Variants in THSD4 observed in about 807,000 individuals in gnomAD.
THSD4 encodes thrombospondin type 1 domain containing 4.
A neutral mutation model predicts 119.0 loss-of-function variants in THSD4; 69 were observed. That is an observed-to-expected ratio of 0.58 (90% CI 0.48 to 0.71). The LOEUF is 0.71. Ranked by LOEUF, THSD4 falls within the 30% of genes least tolerant of loss-of-function variation. THSD4 has a pLI of 0.00. For synonymous variants in THSD4, 524 were observed against 540.4 expected, an observed-to-expected ratio of 0.97 and a Z score of 0.42; for missense variants, 1,393 against 1,391.1, an observed-to-expected ratio of 1.00 and a Z score of -0.02.
intron 4 of THSD4, among the ~76,000 whole-genome samples, chr15:71,237,821 C>T (rs1339343546): frequency 6.6e-6 from 1 of 152,070 alleles, no homozygotes; most frequent in East Asian, 1.9e-4. Context: ...TTGCTTGAGT[C>T]ATGCTGACTG....
intron 13 of THSD4, among the ~76,000 whole-genome samples, chr15:71,747,884 G>A (rs1334351175): frequency 7.9e-5 from 12 of 152,210 alleles, no homozygotes. Flanking sequence ...TGAATCCTAA[G>A]ACCTTCTTCC....
intron 6 of THSD4, among the ~76,000 whole-genome samples, chr15:71,362,434 C>T (rs1057290973): frequency 6.6e-6 from 1 of 152,050 alleles, no homozygotes; most frequent in Admixed American, 6.6e-5. Flanking sequence ...AAATCATTAC[C>T]ACTACAAGCT....
intron 6 of THSD4, among the ~76,000 whole-genome samples, chr15:71,380,458 C>T (rs2046214191): frequency 6.6e-6 from 1 of 152,078 alleles, no homozygotes; most frequent in Non-Finnish European, 1.5e-5. Context: ...CAATGAATGG[C>T]TGCATACAAA....
Position 71,688,707 on chromosome 15 carries a change from C to CTGTGTGTG in THSD4, c.1357+28001_1357+28008dup, listed in dbSNP as rs55653630. ...TGAGGTTTTTTTTTGTTTTGTATCT[C>CTGTGTGTG]TGTGTGTGTGTGTGTGTGTGTGTGT... On this transcript the variant is annotated intron_variant, in intron 8 of 17. Coordinates refer to ENST00000261862, the MANE Select transcript of THSD4 (RefSeq NM_024817.3). Among the ~76,000 whole-genome samples the CTGTGTGTG allele has an allele frequency of 8.6e-3, 1,153 of 133,460 alleles. 15 individuals are homozygous for CTGTGTGTG. The highest frequency in any genetic ancestry group is 0.022 in the Middle Eastern group (6 of 274). The allele number at this position is 133,460 out of a possible 152,430, so 87.6% of individuals were successfully genotyped here.
chr15:71,116,718 C>G (rs888212382), intron 1 of THSD4, among the ~76,000 whole-genome samples: 2 of 151,986 alleles, frequency 1.3e-5, no homozygotes, highest in African/African-American at 4.8e-5. Context: ...CTTGTCCAAC[C>G]CTCCTTTCAC....
chr15:71,107,798 T>C (rs1287045905), intron 1 of THSD4, among the ~76,000 whole-genome samples: 2 of 152,084 alleles, frequency 1.3e-5, no homozygotes, highest in Non-Finnish European at 2.9e-5. Context: ...GACATGAGAG[T>C]GTTTTCTCCC....
chr15:71,480,059 T>C (rs1189514797), intron 7 of THSD4, among the ~76,000 whole-genome samples: 1 of 152,166 alleles, frequency 6.6e-6, no homozygotes, highest in East Asian at 1.9e-4. Flanking sequence ...TTTCCTGAGC[T>C]AGGGTCTCGC....
intron 6 of THSD4, among the ~76,000 whole-genome samples, chr15:71,328,902 C>G (rs2045383409): frequency 6.6e-6 from 1 of 152,206 alleles, no homozygotes. Flanking sequence ...GTGGCCCGTG[C>G]TTGCTGGGCC....
At chr15:71,208,926 A>G (rs1337244095) in intron 3 of THSD4, among the ~76,000 whole-genome samples, 1 of 152,148 alleles carries the variant, frequency 6.6e-6, no homozygotes, top group Non-Finnish European at 1.5e-5. Flanking sequence ...TCAGGTTTGG[A>G]GGATTTCATC....
chr15:71,529,664 T>C (rs2048580805), intron 7 of THSD4, among the ~76,000 whole-genome samples: 1 of 152,220 alleles, frequency 6.6e-6, no homozygotes, highest in Non-Finnish European at 1.5e-5. Flanking sequence ...TTTTTCTAAA[T>C]AGTCAGAAAT....
chr15:71,639,846 A>AAAAAG (rs1276375417), intron 7 of THSD4, among the ~76,000 whole-genome samples: 1 of 150,078 alleles, frequency 6.7e-6, no homozygotes. Context: ...CAAAAAAAAA[A>AAAAAG]AAAAGAAAAG....
intron 7 of THSD4, among the ~76,000 whole-genome samples, chr15:71,463,946 C>T (rs931497171): frequency 8.5e-5 from 13 of 152,268 alleles, no homozygotes; most frequent in Admixed American, 6.5e-4. Flanking sequence ...TTATTCCATG[C>T]GAGTGCTTTT....
chr15:71,603,770 A>T (rs2050057842), intron 7 of THSD4, among the ~76,000 whole-genome samples: 1 of 152,196 alleles, frequency 6.6e-6, no homozygotes, highest in African/African-American at 2.4e-5. Context: ...CGCAGTGGGC[A>T]TGGGCCATGG....
At chr15:71,748,378 C>G in intron 13 of THSD4, 43 bp from the exon 14 acceptor site, 1 of 1,608,516 alleles carries the variant, frequency 6.2e-7, no homozygotes, top group Non-Finnish European at 8.5e-7. Context: ...TCTCCCAGAG[C>G]TGAAGCTGCT....
At chr15:71,528,791 G>A (rs1362270313) in intron 7 of THSD4, among the ~76,000 whole-genome samples, 1 of 152,112 alleles carries the variant, frequency 6.6e-6, no homozygotes, top group Non-Finnish European at 1.5e-5. Flanking sequence ...CAGGAGCAGA[G>A]GGGGAAATCT....
intron 6 of THSD4, among the ~76,000 whole-genome samples, chr15:71,358,948 C>T (rs1325843412): frequency 2.0e-5 from 3 of 152,224 alleles, no homozygotes; most frequent in Admixed American, 2.0e-4. Context: ...CTCCCCAGCA[C>T]ACCCTGCCTA....
chr15:71,272,519 A>C (rs187318302), intron 6 of THSD4, among the ~76,000 whole-genome samples: 1 of 152,190 alleles, frequency 6.6e-6, no homozygotes, highest in Non-Finnish European at 1.5e-5. Flanking sequence ...AATGCTCGAT[A>C]CCACTAATCA....
intron 6 of THSD4, among the ~76,000 whole-genome samples, chr15:71,311,061 C>G (rs1042372690): frequency 6.6e-6 from 1 of 152,188 alleles, no homozygotes; most frequent in Non-Finnish European, 1.5e-5. Context: ...TGGCTGTGCT[C>G]CACACAGTCC....
intron 7 of THSD4, among the ~76,000 whole-genome samples, chr15:71,460,976 C>A (rs552413106): frequency 4.6e-5 from 7 of 152,296 alleles, no homozygotes; most frequent in Non-Finnish European, 1.0e-4. Flanking sequence ...TGCTGCATAA[C>A]AAATTATTCC....
Sources: allele counts gnomAD v4.1 joint callset (sites outside exome capture counted in the v4.1 genomes callset), GRCh38; gene constraint gnomAD v4.1.1; transcripts MANE v1.5; gene names NCBI Gene and HGNC (gene_info 2026-07-23, HGNC 2026-07-21).